Variants in MCTP2 observed in about 807,000 individuals in gnomAD.
MCTP2 encodes the protein multiple C2 and transmembrane domain-containing protein 2.
In MCTP2, 132 loss-of-function variants were observed where a neutral mutation model predicts 111.6. The ratio of observed to expected loss-of-function variants is 1.18; its 90% CI spans 1.03 to 1.37. MCTP2 has a LOEUF of 1.37. Ranked by LOEUF, MCTP2 falls within the 40% of genes most tolerant of loss-of-function variation. The pLI is 0.00. For synonymous variants in MCTP2, 395 were observed against 387.7 expected (o/e 1.02, Z -0.22); for missense variants, 1,183 against 1,067.9 (o/e 1.11, Z -1.50).
rs138332609 is a variant in MCTP2 at position 94,349,117 on chromosome 15, G to A, written c.1005+3953G>A. ...CTGCACTGACCCACTGCTGAATGTC[G>A]TAACCCTGATGCTTCTGATGCCTTA... On this transcript the variant is annotated intron_variant, in intron 8 of 22. Coordinates refer to ENST00000357742, the MANE Select transcript of MCTP2 (RefSeq NM_001385001.1). Among the ~76,000 whole-genome samples the A allele has an allele frequency of 2.4e-3, 363 of 152,160 alleles. 1 individual carries two copies. Among genetic ancestry groups the A allele is most frequent in the African/African-American group, 6.4e-3 (264 of 41,500 alleles).
chr15:94,287,768 C>T (rs1223620371), intron 1 of MCTP2, among the ~76,000 whole-genome samples: 1 of 152,204 alleles, frequency 6.6e-6, no homozygotes, highest in Admixed American at 6.5e-5. Context: ...CTGTCTCTAT[C>T]CATAGATCCC....
chr15:94,440,080 GTCCAATTGAA>G, intron 17 of MCTP2, 86 bp from the exon 18 acceptor site: 1 of 1,372,286 alleles, frequency 7.3e-7, no homozygotes. Flanking sequence ...ACTAGAAAGA[GTCCAATTGAA>G]TCTCCTTACA....
At chr15:94,411,907 A>G (rs1400937590) in intron 17 of MCTP2, among the ~76,000 whole-genome samples, 3 of 151,980 alleles carry the variant, frequency 2.0e-5, no homozygotes, top group African/African-American at 2.4e-5. Flanking sequence ...TGACTTTTCT[A>G]TTGCTTCCCA....
At chr15:94,450,704 TAAA>T (rs889214512) in intron 19 of MCTP2, among the ~76,000 whole-genome samples, 2 of 152,226 alleles carry the variant, frequency 1.3e-5, no homozygotes, top group Non-Finnish European at 2.9e-5. Context: ...GATTTTGAGA[TAAA>T]AATTTTTGCA....
At chr15:94,285,354 T>C (rs1051945784) in intron 1 of MCTP2, among the ~76,000 whole-genome samples, 1 of 152,190 alleles carries the variant, frequency 6.6e-6, no homozygotes. Flanking sequence ...CCAAGTTGTT[T>C]GCATACAGTT....
Position 94,480,716 on chromosome 15 carries a change from A to G in MCTP2, c.*1682A>G, listed in dbSNP as rs1420388013. The G allele has an allele frequency of 6.6e-6, 1 of 152,242 alleles. No individual in the cohort carries two copies. Among genetic ancestry groups the G allele is most frequent in the East Asian group, 1.9e-4 (1 of 5,204 alleles). The allele number at this position is 152,242 out of a possible 1,614,324, so 9.4% of individuals were successfully genotyped here. On this transcript the variant is annotated 3_prime_UTR_variant, in exon 23 of 23. Coordinates refer to ENST00000357742, the MANE Select transcript of MCTP2 (RefSeq NM_001385001.1). ...TCAGACATTTTTAAACAGACATGTG[A>G]GATCTGATCAGTCATTTGAATGAAA...
chr15:94,371,066 A>G (rs1043468470), intron 12 of MCTP2, among the ~76,000 whole-genome samples: 1 of 152,166 alleles, frequency 6.6e-6, no homozygotes, highest in African/African-American at 2.4e-5. Flanking sequence ...CCATTGGAAA[A>G]GAGAACTTTA....
At chr15:94,401,278 T>A (rs1416894509) in intron 16 of MCTP2, among the ~76,000 whole-genome samples, 1 of 152,170 alleles carries the variant, frequency 6.6e-6, no homozygotes, top group Non-Finnish European at 1.5e-5. Context: ...GCACTTACTA[T>A]GTGACAGGCA....
intron 1 of MCTP2, among the ~76,000 whole-genome samples, chr15:94,266,076 G>GCA (rs1173572674): frequency 0.049 from 2,838 of 57,402 alleles, 77 homozygotes; most frequent in African/African-American, 0.2. Context: ...GCATGCGTGT[G>GCA]CGCGCACACA....
chr15:94,466,201 T>G (rs1470249478), intron 20 of MCTP2, among the ~76,000 whole-genome samples: 3 of 152,180 alleles, frequency 2.0e-5, no homozygotes, highest in Admixed American at 6.6e-5. Flanking sequence ...TATATTGGAT[T>G]AGATTTCAAT....
intron 17 of MCTP2, among the ~76,000 whole-genome samples, chr15:94,417,693 A>G (rs1319566902): frequency 6.6e-6 from 1 of 152,104 alleles, no homozygotes; most frequent in Non-Finnish European, 1.5e-5. Flanking sequence ...TTTTAGTGGC[A>G]AGTATGTGTG....
intron 1 of MCTP2, among the ~76,000 whole-genome samples, chr15:94,280,622 T>G (rs2074432811): frequency 6.6e-6 from 1 of 152,124 alleles, no homozygotes; most frequent in Non-Finnish European, 1.5e-5. Context: ...CTTTTGTTAT[T>G]TTTCTTCTGC....
chr15:94,346,895 G>A (rs1399456090), intron 8 of MCTP2, among the ~76,000 whole-genome samples: 1 of 147,234 alleles, frequency 6.8e-6, no homozygotes, highest in Non-Finnish European at 1.5e-5. Flanking sequence ...TCTTAGAACT[G>A]AGCTGTTTGT....
At chr15:94,243,298 T>C (rs572579472) in intron 1 of MCTP2, among the ~76,000 whole-genome samples, 4 of 146,562 alleles carry the variant, frequency 2.7e-5, no homozygotes, top group African/African-American at 7.9e-5. Flanking sequence ...TATATGCATA[T>C]ATACATACAT....
chr15:94,418,048 C>T (rs916513464), intron 17 of MCTP2, among the ~76,000 whole-genome samples: 3 of 152,104 alleles, frequency 2.0e-5, no homozygotes, highest in Non-Finnish European at 4.4e-5. Flanking sequence ...TGCTTTATTA[C>T]CCAGAGCATT....
chr15:94,454,310 C>T (rs992852762), intron 19 of MCTP2, among the ~76,000 whole-genome samples: 1 of 152,066 alleles, frequency 6.6e-6, no homozygotes, highest in Non-Finnish European at 1.5e-5. Context: ...AAATATGAGG[C>T]AGAAATGTAC....
intron 12 of MCTP2, among the ~76,000 whole-genome samples, chr15:94,374,875 G>C (rs2079675773): frequency 6.6e-6 from 1 of 152,120 alleles, no homozygotes; most frequent in Admixed American, 6.6e-5. Flanking sequence ...TAGCTCGGTG[G>C]GGGAGGATAT....
At chr15:94,402,843 G>T in intron 17 of MCTP2, 1 of 1,284,648 alleles carries the variant, frequency 7.8e-7, no homozygotes, top group Non-Finnish European at 9.9e-7. Context: ...CTAATACGAG[G>T]TATGAGTGGT....
intron 1 of MCTP2, among the ~76,000 whole-genome samples, chr15:94,240,244 A>C: frequency 6.6e-6 from 1 of 152,168 alleles, no homozygotes; most frequent in East Asian, 1.9e-4. Context: ...ACCCTATTAG[A>C]TAGGAATCAT....
Sources: gnomAD v4.1 joint callset for allele counts (sites outside exome capture counted in the v4.1 genomes callset) on GRCh38, gnomAD v4.1.1 for gene constraint, MANE v1.5 for transcripts, NCBI Gene and HGNC (gene_info 2026-07-23, HGNC 2026-07-21) for gene names.